Variants in CUBN observed in about 807,000 individuals in gnomAD.
CUBN encodes cubilin.
A neutral mutation model predicts 405.3 loss-of-function variants in CUBN; 282 were observed. The ratio of observed to expected loss-of-function variants is 0.70; its 90% confidence interval spans 0.63 to 0.77. The LOEUF (loss-of-function observed/expected upper bound fraction) is 0.77. Among genes scored for constraint, CUBN ranks in the 30% least tolerant of loss-of-function variants. CUBN has a pLI of 0.00. For synonymous variants in CUBN, 1,684 were observed against 1,617.0 expected (o/e 1.04, Z -0.99); for missense variants, 4,514 against 4,475.2 (o/e 1.01, Z -0.25).
At chr10:16,946,852 T>C (rs932595655) in intron 36 of CUBN, among the ~76,000 whole-genome samples, 21 of 152,094 alleles carry the variant, frequency 1.4e-4, no homozygotes, top group African/African-American at 4.1e-4. Context: ...AGGGATAAGA[T>C]AAAAGCGTAA....
rs1842405779 is a variant in CUBN at position 16,933,084 on chromosome 10, C to T, written c.6124+3G>A. 1.9e-6 allele frequency: 3 copies of T among 1,613,538 alleles called. No individual in the cohort carries two copies. The highest frequency in any genetic ancestry group is 2.5e-6 in the Non-Finnish European group (3 of 1,179,658). On this transcript the variant is annotated splice_donor_region_variant and intron_variant, in intron 40 of 66. Transcript: ENST00000377833. ...AACTCAGCATTCTTTATAATGTTCT[C>T]ACCATCTCGTATCACAAGGCTATCA...
chr10:17,059,609 A>G (rs1835460357), intron 22 of CUBN, among the ~76,000 whole-genome samples: 1 of 150,672 alleles, frequency 6.6e-6, no homozygotes, highest in Non-Finnish European at 1.5e-5. Context: ...CCCAGGAGCC[A>G]TCATCTGCTT....
intron 27 of CUBN, among the ~76,000 whole-genome samples, chr10:17,032,312 C>T (rs754874550): frequency 5.9e-5 from 9 of 152,068 alleles, no homozygotes; most frequent in Non-Finnish European, 1.3e-4. Flanking sequence ...ATTTTACACA[C>T]GAGAGAACCA....
intron 64 of CUBN, among the ~76,000 whole-genome samples, chr10:16,834,393 G>A (rs920215683): frequency 3.3e-5 from 5 of 152,094 alleles, no homozygotes; most frequent in African/African-American, 9.7e-5. Context: ...GTGTCCTGGG[G>A]TGGGAGTGGG....
chr10:16,906,579 C>T lies in CUBN; in HGVS notation c.7706-170G>A, dbSNP rs1372949307. ...GGCATGCAAATTATGGAAGTTTCTG[C>T]AAGTTTATAAAGGAAAGATGTGCAA... On this transcript the variant is annotated intron_variant, in intron 49 of 66. Transcript: ENST00000377833. 3.3e-5 allele frequency among the ~76,000 whole-genome samples: 5 copies of T among 152,322 alleles called. No individual in the cohort carries two copies. The East Asian group carries it at 9.6e-4, about 29-fold the overall frequency.
chr10:17,019,142 C>A (rs1834425338), intron 28 of CUBN, among the ~76,000 whole-genome samples: 1 of 152,166 alleles, frequency 6.6e-6, no homozygotes, highest in Non-Finnish European at 1.5e-5. Flanking sequence ...ATTTTGGGAA[C>A]CACTGCTCTG....
intron 14 of CUBN, among the ~76,000 whole-genome samples, chr10:17,094,168 G>C (rs1245106764): frequency 3.9e-5 from 6 of 151,974 alleles, no homozygotes; most frequent in Non-Finnish European, 7.4e-5. Flanking sequence ...AAGCAGTGAG[G>C]GTGGAGAAAA....
chr10:17,026,887 G>T (rs17139633), intron 27 of CUBN, among the ~76,000 whole-genome samples: 1 of 152,134 alleles, frequency 6.6e-6, no homozygotes, highest in Non-Finnish European at 1.5e-5. Context: ...AGAAAAAGCC[G>T]CCTTGCCATG....
Position 16,948,574 on chromosome 10 carries a change from T to C in CUBN, c.5113A>G (p.Ile1705Val). ...GTCAGGGCGCTGCTGAAGGATGTGA[T>C]AGGATGGGGCATGTCGGTGCCACAG... ...RYCGTDMPHP[I>V]TSFSSALTLR... Residue 1705 changes from isoleucine (I) to valine (V), a missense_variant, in exon 35 of 67, where the codon ATC becomes GTC. This residue lies in a region of CUBN where 1,613 missense variants were observed against 1,542.8 expected (regional missense o/e 1.05). Transcript: ENST00000377833. 2 of 1,613,924 alleles carry C rather than the reference T, an allele frequency of 1.2e-6. No homozygotes were observed. The highest frequency in any genetic ancestry group is 2.2e-5 in the South Asian group (2 of 91,044).
chr10:16,994,963 C>T (rs1251018184), intron 28 of CUBN, among the ~76,000 whole-genome samples: 1 of 152,078 alleles, frequency 6.6e-6, no homozygotes, highest in Admixed American at 6.5e-5. Flanking sequence ...TGGTGGTATG[C>T]GCCTGTAATC....
At chr10:17,125,634 T>C (rs1378220702) in intron 4 of CUBN, among the ~76,000 whole-genome samples, 5 of 151,566 alleles carry the variant, frequency 3.3e-5, no homozygotes. Flanking sequence ...AAATCAGGAG[T>C]CAGGAGGAAG....
intron 31 of CUBN, among the ~76,000 whole-genome samples, chr10:16,977,705 G>C (rs926196910): frequency 1.4e-4 from 22 of 152,200 alleles, no homozygotes; most frequent in Non-Finnish European, 3.1e-4. Context: ...AGCTAAAAGA[G>C]CACTGTAGCA....
chr10:16,955,227 G>T (rs1564445734), intron 31 of CUBN, among the ~76,000 whole-genome samples: 1 of 151,852 alleles, frequency 6.6e-6, no homozygotes, highest in Admixed American at 6.6e-5. Flanking sequence ...ACACAAATTA[G>T]CCAGGTGTGG....
intron 56 of CUBN, among the ~76,000 whole-genome samples, chr10:16,884,389 A>T (rs1290186217): frequency 6.7e-6 from 1 of 148,776 alleles, no homozygotes; most frequent in East Asian, 2.0e-4. Flanking sequence ...TGGATCTATA[A>T]TTTTTTTTTT....
At chr10:17,028,736 G>A (rs567006738) in intron 27 of CUBN, among the ~76,000 whole-genome samples, 1 of 150,484 alleles carries the variant, frequency 6.6e-6, no homozygotes, top group Non-Finnish European at 1.5e-5. Context: ...AAAAAAGAAA[G>A]AAAGAAAGAA....
chr10:17,062,290 G>C (rs1835520560), intron 22 of CUBN, among the ~76,000 whole-genome samples: 2 of 152,092 alleles, frequency 1.3e-5, no homozygotes, highest in Admixed American at 1.3e-4. Flanking sequence ...TATTAAAGTT[G>C]AAAATGAATC....
intron 8 of CUBN, among the ~76,000 whole-genome samples, chr10:17,111,806 C>T (rs892553453): frequency 6.6e-6 from 1 of 152,168 alleles, no homozygotes; most frequent in East Asian, 1.9e-4. Flanking sequence ...CGCCTGTAGT[C>T]CCAGCTACTT....
At chr10:17,093,941 T>G (rs533261293) in intron 14 of CUBN, among the ~76,000 whole-genome samples, 52 of 152,156 alleles carry the variant, frequency 3.4e-4, no homozygotes, top group African/African-American at 1.2e-3. Context: ...ACCTTCAGCA[T>G]ATGTGTAATT....
intron 6 of CUBN, among the ~76,000 whole-genome samples, chr10:17,121,325 G>C (rs1428918908): frequency 6.6e-6 from 1 of 152,052 alleles, no homozygotes; most frequent in Non-Finnish European, 1.5e-5. Flanking sequence ...TTAGAAGTGT[G>C]CATTAATAGT....
Sources: gnomAD v4.1 joint callset for allele counts (sites outside exome capture counted in the v4.1 genomes callset) on GRCh38, gnomAD v4.1.1 for gene constraint, gnomAD v4.1.1 regional missense constraint, MANE v1.5 for transcripts, NCBI Gene and HGNC (gene_info 2026-07-23, HGNC 2026-07-21) for gene names.